The following FLNC variants were observed in gnomAD, a reference collection of about 807,000 sequenced individuals.
FLNC encodes filamin-C.
Under a neutral mutation model 254.3 loss-of-function variants are expected in FLNC, and 91 were observed. The ratio of observed to expected loss-of-function variants is 0.36; its 90% CI spans 0.30 to 0.43. FLNC has a LOEUF of 0.43. Among genes scored for constraint, FLNC ranks in the 20% least tolerant of loss-of-function variants. FLNC has a pLI of 1.00. For synonymous variants in FLNC, 1,430 were observed against 1,577.2 expected (o/e 0.91, Z 2.21); for missense variants, 2,853 against 3,802.6 (o/e 0.75, Z 6.57).
chr7:128,853,698 C>T lies in FLNC; in HGVS notation c.6362-17C>T. 1 of 1,613,972 alleles carries T rather than the reference C, an allele frequency of 6.2e-7. No individual in the cohort carries two copies. Among genetic ancestry groups the T allele is most frequent in the Non-Finnish European group, 8.5e-7 (1 of 1,180,050 alleles). ...GGGGCTCTGAGGTTCCTGACCCACCCTTTGTCCCCACTTCAGGAAGCCCCT... is the reference window on the plus strand; with the variant it reads ...GGGGCTCTGAGGTTCCTGACCCACCTTTTGTCCCCACTTCAGGAAGCCCCT... On this transcript the variant is annotated splice_polypyrimidine_tract_variant and intron_variant, in intron 38 of 47. Coordinates refer to ENST00000325888, the MANE Select transcript of FLNC (RefSeq NM_001458.5).
chr7:128,842,177 G>T lies in FLNC; in HGVS notation c.2122-54G>T. On this transcript the variant is annotated intron_variant, in intron 13 of 47. Transcript: ENST00000325888. This position sits in a 1 kb window ranked among gnomAD's most constrained non-coding sequence, Gnocchi z 5.4. The stretch of plus-strand genomic sequence containing the variant: ...GCGCTGGGTTCACCTGCGGCCAGCA[G>T]AGGGCGCTCTGCAGAGGCCACAGCT... 1 of 1,596,984 alleles carries T rather than the reference G, an allele frequency of 6.3e-7. No homozygotes were observed. Among genetic ancestry groups the T allele is most frequent in the East Asian group, 2.3e-5 (1 of 44,150 alleles).
Position 128,855,287 on chromosome 7 carries a change from T to C in FLNC, c.7224T>C (p.Ala2408=). 1.2e-6 allele frequency: 2 copies of C among 1,613,106 alleles called. No homozygotes were observed. Among genetic ancestry groups the C allele is most frequent in the East Asian group, 2.2e-5 (1 of 44,870 alleles). The change falls in exon 43 of 48, where the codon GCT becomes GCC. Residue 2408 remains alanine (A), a synonymous_variant. Transcript: ENST00000325888. ...CTGTGGCCTCCCTCTCGGATGACGC[T>C]CGCCGTCTCACTGTCACCAGCCTCC... ...VVPVASLSDD[A]RRLTVTSLQE...
At position 128,837,439 on chromosome 7, in the gene FLNC, G is replaced by A. The variant is rs771164451; in HGVS notation, c.741G>A (p.Glu247=). The part of the protein sequence containing the change: ...PEEIVDPNVD[E]HSVMTYLSQF... ...AGATTGTGGACCCCAACGTGGATGA[G>A]CATTCTGTTATGACCTACCTGTCCC... Residue 247 remains glutamate (E), a synonymous_variant, in exon 4 of 48, where the codon GAG becomes GAA. Transcript: ENST00000325888. 3.7e-6 allele frequency: 6 copies of A among 1,614,160 alleles called. No homozygotes were observed. In the East Asian group the frequency reaches 6.7e-5, roughly 18 times the overall value.
Position 128,854,676 on chromosome 7 carries a change from G to T in FLNC, c.6991G>T (p.Val2331Leu), listed in dbSNP as rs191288058. ...AGGGCTGGAGCGAGGTGTGGCCGGC[G>T]TGCCAGGTAAGGGGCAGGTGGCCAG... ...GTGLERGVAG[V>L]PAEFSIWTRE... Residue 2331 changes from valine to leucine, a missense_variant, in exon 41 of 48, where the codon GTG (valine) becomes TTG (leucine). Transcript: ENST00000325888. 24 of 1,612,338 alleles carry T rather than the reference G, an allele frequency of 1.5e-5. No homozygotes were observed. Among genetic ancestry groups the T allele is most frequent in the African/African-American group, 2.7e-5 (2 of 74,916 alleles).
In FLNC at chr7:128,857,815, G is replaced by A. The variant is rs1488264682; in HGVS notation, c.7781-193G>A. Among the ~76,000 whole-genome samples, 1 of 152,200 alleles carries A rather than the reference G, an allele frequency of 6.6e-6. No individual in the cohort carries two copies. The highest frequency in any genetic ancestry group is 1.5e-5 in the Non-Finnish European group (1 of 68,042). ...CCAGCCCTAGGGTGGAGCACCAGTT[G>A]GAGCTGGCAGCTCAGGGCCCTGGCT... On this transcript the variant is annotated intron_variant, in intron 46 of 47. Transcript: ENST00000325888. This position sits in a 1 kb window ranked among gnomAD's most constrained non-coding sequence, Gnocchi z 4.5.
At position 128,853,470 on chromosome 7, in the gene FLNC, T is replaced by C. The variant is rs2128939065; in HGVS notation, c.6210T>C (p.Gly2070=). 6.2e-7 allele frequency: 1 copy of C among 1,613,516 alleles called. No homozygotes were observed. Among genetic ancestry groups the C allele is most frequent in the East Asian group, 2.2e-5 (1 of 44,836 alleles). Residue 2070 remains glycine, a splice_region_variant and synonymous_variant, in exon 38 of 48, where the codon GGT becomes GGC. Coordinates refer to ENST00000325888, the MANE Select transcript of FLNC (RefSeq NM_001458.5). ...AEFIVDTRNA[G]YGGLGLSIEG... ...GATGTGTTCCTTGCTTTCCCCCAGG[T>C]TATGGGGGCTTGGGGCTGAGTATTG... is the stretch of plus-strand genomic sequence containing the variant.
rs373087529 is a variant in FLNC at position 128,858,415 on chromosome 7, G to T, written c.8070G>T (p.Arg2690=). Residue 2690 remains arginine, a synonymous_variant, in exon 48 of 48, where the codon CGG becomes CGT. Coordinates refer to ENST00000325888, the MANE Select transcript of FLNC (RefSeq NM_001458.5). The surrounding 1 kb of genome is among the most constrained non-coding windows in gnomAD (Gnocchi z 6.7). ...EEVYVKHMGN[R]VYNVTYTVKE... The stretch of plus-strand genomic sequence containing the variant: ...TGTACGTGAAGCACATGGGGAACCG[G>T]GTGTACAATGTCACCTACACTGTCA... The T allele has an allele frequency of 2.5e-5, 40 of 1,607,270 alleles. No individual in the cohort carries two copies. The highest frequency in any genetic ancestry group is 1.2e-4 in the Admixed American group (7 of 59,940).
chr7:128,847,635 C>T (rs1014333948), intron 24 of FLNC, 62 bp from the exon 25 acceptor site: 5 of 1,602,638 alleles, frequency 3.1e-6, no homozygotes, highest in Middle Eastern at 1.9e-4. Context: ...CTCCGAGGCT[C>T]CTCAGCATCA....
In FLNC at chr7:128,842,057, T is replaced by TG. The variant is rs1808353071; in HGVS notation, c.2122-171dup. Among the ~76,000 whole-genome samples the TG allele has an allele frequency of 6.6e-6, 1 of 150,656 alleles. No individual in the cohort carries two copies. Among genetic ancestry groups the TG allele is most frequent in the African/African-American group, 2.4e-5 (1 of 40,838 alleles). ...ATGGCCTTGAGTCAGGCTCCCAGGGTGGGCTCTGGCCGCCAGAGCACGTGG... is the reference window on the plus strand; with the variant it reads ...ATGGCCTTGAGTCAGGCTCCCAGGGTGGGGCTCTGGCCGCCAGAGCACGTGG... On this transcript the variant is annotated intron_variant, in intron 13 of 47. Coordinates refer to ENST00000325888, the MANE Select transcript of FLNC (RefSeq NM_001458.5). The surrounding 1 kb of genome is among the most constrained non-coding windows in gnomAD (Gnocchi z 5.4).
At chr7:128,833,662 T>A (rs1479077059) in intron 1 of FLNC, among the ~76,000 whole-genome samples, 2 of 151,978 alleles carry the variant, frequency 1.3e-5, no homozygotes, top group Non-Finnish European at 1.5e-5. Flanking sequence ...TGCCCAGGGG[T>A]CTGGCTCCAG....
rs1311882367 is a variant in FLNC at position 128,850,799 on chromosome 7, G to T, written c.5399-4G>T. The stretch of plus-strand genomic sequence containing the variant: ...GTCTCCACGTAACTGTGTCTGCCCT[G>T]CAGGAGAGGTGCGGATGCCCTCGGG... On this transcript the variant is annotated splice_polypyrimidine_tract_variant and splice_region_variant and intron_variant, in intron 32 of 47. Coordinates refer to ENST00000325888, the MANE Select transcript of FLNC (RefSeq NM_001458.5). 5 of 1,613,646 alleles carry T rather than the reference G, an allele frequency of 3.1e-6. No homozygotes were observed. Among genetic ancestry groups the T allele is most frequent in the Non-Finnish European group, 4.2e-6 (5 of 1,180,028 alleles).
At position 128,847,965 on chromosome 7, in the gene FLNC, G is replaced by A; in HGVS notation, c.4477G>A (p.Val1493Met). The A allele has an allele frequency of 6.2e-7, 1 of 1,613,448 alleles. No individual in the cohort carries two copies. Among genetic ancestry groups the A allele is most frequent in the Non-Finnish European group, 8.5e-7 (1 of 1,179,686 alleles). Residue 1493 changes from valine to methionine, a missense_variant, in exon 26 of 48, where the codon GTG (valine) becomes ATG (methionine). Transcript: ENST00000325888. The part of the protein sequence containing the change: ...GPTGVAEPVE[V>M]RDNGDGTHTV... The stretch of plus-strand genomic sequence containing the variant: ...CCCAGGTGTGGCCGAGCCTGTGGAG[G>A]TGCGGGACAATGGAGATGGCACCCA...
intron 1 of FLNC, among the ~76,000 whole-genome samples, chr7:128,832,375 T>C (rs1432716095): frequency 6.6e-6 from 1 of 152,178 alleles, no homozygotes; most frequent in Non-Finnish European, 1.5e-5. Flanking sequence ...TGATGGAGGC[T>C]GAGGGGTCAG....
rs1429871018 is a variant in FLNC, at chr7:128,848,963, C to G, written c.4908C>G (p.Ala1636=). Residue 1636 remains alanine (A), a synonymous_variant, in exon 28 of 48, where the codon GCC becomes GCG. Transcript: ENST00000325888. ...FRIHALPTGD[A]SKCLVTVSIG... Reference sequence around the variant, plus strand: ...TCCATGCTCTGCCCACTGGGGATGCCAGCAAGTGCCTCGTCACAGGTGGGT... The same window carrying G: ...TCCATGCTCTGCCCACTGGGGATGCGAGCAAGTGCCTCGTCACAGGTGGGT... The G allele has an allele frequency of 6.2e-7, 1 of 1,611,974 alleles. No homozygotes were observed. The highest frequency in any genetic ancestry group is 8.5e-7 in the Non-Finnish European group (1 of 1,179,026).
Position 128,837,248 on chromosome 7 carries a change from G to A in FLNC, c.690G>A (p.Gly230=), listed in dbSNP as rs775254295. Residue 230 remains glycine, a synonymous_variant, in exon 3 of 48, where the codon GGG becomes GGA. Transcript: ENST00000325888. ...TGCAGCAGGCCGACGACTGGCTTGG[G>A]GTGCCCCAGGTACATGCGCAGATGG... ...EAMQQADDWL[G]VPQVIAPEEI... The A allele has an allele frequency of 5.7e-6, 9 of 1,576,840 alleles. No individual in the cohort carries two copies. Among genetic ancestry groups the A allele is most frequent in the Non-Finnish European group, 7.7e-6 (9 of 1,161,684 alleles).
chr7:128,837,200 C>T lies in FLNC; in HGVS notation c.642C>T (p.Pro214=), dbSNP rs2291558. The T allele has an allele frequency of 3.1e-4, 499 of 1,603,216 alleles. 5 individuals carry two copies. The East Asian group carries it at 0.01, about 33-fold the overall frequency. The change falls in exon 3 of 48, where the codon CCC becomes CCT. Residue 214 remains proline, a synonymous_variant. Transcript: ENST00000325888. ...GGGAGGCCTGGGACCCCAACCAGCC[C>T]GTGGAGAACGCCCGGGAGGCCATGC... ...PDWEAWDPNQ[P]VENAREAMQQ...
In FLNC at chr7:128,856,600, A is replaced by G. The variant is rs2128940144; in HGVS notation, c.7334A>G (p.His2445Arg). The G allele has an allele frequency of 1.2e-6, 2 of 1,612,744 alleles. No individual in the cohort carries two copies. The highest frequency in any genetic ancestry group is 1.7e-6 in the Non-Finnish European group (2 of 1,179,970). ...CGGGGCGTGATTGATGCCCGGGTGCACACACCCTCGGGGGCTGTGGAGGAG... is the reference window on the plus strand; with the variant it reads ...CGGGGCGTGATTGATGCCCGGGTGCGCACACCCTCGGGGGCTGTGGAGGAG... ...GARGVIDARVHTPSGAVEECY... is the reference protein window; with the variant it reads ...GARGVIDARVRTPSGAVEECY... Residue 2445 changes from histidine (H) to arginine (R), a missense_variant, in exon 44 of 48, where the codon CAC (histidine) becomes CGC (arginine). This residue lies in a region of FLNC where 47 missense variants were observed against 40.3 expected (regional missense o/e 1.17). Transcript: ENST00000325888. This position sits in a 1 kb window ranked among gnomAD's most constrained non-coding sequence, Gnocchi z 5.9.
chr7:128,846,634 C>T (rs1808580672), intron 23 of FLNC, 111 bp from the exon 24 acceptor site: 3 of 1,362,004 alleles, frequency 2.2e-6, no homozygotes. Context: ...CGTTTCTCCT[C>T]AGCTGGGTCC....
rs775910704 is a variant in FLNC at position 128,856,760 on chromosome 7, G to A, written c.7400G>A (p.Arg2467His). 34 of 1,614,072 alleles carry A rather than the reference G, an allele frequency of 2.1e-5. No homozygotes were observed. Among genetic ancestry groups the A allele is most frequent in the African/African-American group, 2.7e-5 (2 of 74,914 alleles). Reference sequence around the variant, plus strand: ...TTATCCACAGACAAGCACACCATCCGCTTCATCCCCCACGAGAATGGCGTC... The same window carrying A: ...TTATCCACAGACAAGCACACCATCCACTTCATCCCCCACGAGAATGGCGTC... ...SELDSDKHTI[R>H]FIPHENGVHS... The change falls in exon 45 of 48, where the codon CGC (arginine) becomes CAC (histidine). Residue 2467 changes from arginine to histidine, a missense_variant. By Grantham distance (29) the Arg-to-His change is conservative. Transcript: ENST00000325888. The surrounding 1 kb of genome is among the most constrained non-coding windows in gnomAD (Gnocchi z 5.9).
Sources: allele counts gnomAD v4.1 joint callset (sites outside exome capture counted in the v4.1 genomes callset), GRCh38; gene constraint gnomAD v4.1.1; regional missense constraint gnomAD v4.1.1; non-coding constraint Gnocchi (gnomAD v3.1); transcripts MANE v1.5; gene names NCBI Gene and HGNC (gene_info 2026-07-23, HGNC 2026-07-21).